CHUK: variants seen among roughly 807,000 people sequenced by gnomAD.
CHUK encodes inhibitor of nuclear factor kappa-B kinase subunit alpha.
In CHUK, 35 loss-of-function variants were observed where a neutral mutation model predicts 104.8. That is an observed-to-expected ratio of 0.33 (90% CI 0.26 to 0.44). The LOEUF (loss-of-function observed/expected upper bound fraction) is 0.44. Among genes scored for constraint, CHUK ranks in the 20% least tolerant of loss-of-function variants. CHUK has a pLI of 1.00. For missense variants in CHUK, 663 were observed against 902.7 expected (o/e 0.73, Z 3.40); for synonymous variants, 276 against 291.9 (o/e 0.95, Z 0.56).
At chr10:100,199,430 G>A (rs1048098696) in intron 16 of CHUK, among the ~76,000 whole-genome samples, 8 of 152,112 alleles carry the variant, frequency 5.3e-5, no homozygotes, top group Admixed American at 3.3e-4. Flanking sequence ...AGGTTCAAGC[G>A]ATTCTCCTGC....
At position 100,189,484 on chromosome 10, in the gene CHUK, A is replaced by C; in HGVS notation, c.*114T>G. ...TAGTAGAAATGTAGTTTCTGTTCAT[A>C]GCCATTTCTTCCATTGACTGATGTC... On this transcript the variant is annotated 3_prime_UTR_variant, in exon 21 of 21. Transcript: ENST00000370397. The C allele has an allele frequency of 1.2e-6, 1 of 819,356 alleles. No homozygotes were observed. Among genetic ancestry groups the C allele is most frequent in the Non-Finnish European group, 2.2e-6 (1 of 458,086 alleles). 50.8% of individuals were successfully genotyped at this position (819,356 alleles called of 1,614,324 possible).
chr10:100,210,724 A>G (rs1269907782), intron 9 of CHUK, among the ~76,000 whole-genome samples: 1 of 152,194 alleles, frequency 6.6e-6, no homozygotes, highest in Non-Finnish European at 1.5e-5. Context: ...TTACCTTTTT[A>G]TAAGACAACC....
At chr10:100,189,755 C>A in intron 20 of CHUK, 128 bp from the exon 21 acceptor site, 2 of 631,364 alleles carry the variant, frequency 3.2e-6, no homozygotes, top group Non-Finnish European at 2.8e-6. Flanking sequence ...TTTCATTTAC[C>A]TTATTTCCTG....
chr10:100,201,556 C>T (rs1845462504), intron 14 of CHUK, among the ~76,000 whole-genome samples: 1 of 152,014 alleles, frequency 6.6e-6, no homozygotes, highest in South Asian at 2.1e-4. Flanking sequence ...AGAAATTGTC[C>T]CTATAATATG....
At chr10:100,207,130 C>A in intron 11 of CHUK, 100 bp downstream of exon 11, 2 of 729,282 alleles carry the variant, frequency 2.7e-6, no homozygotes, top group Non-Finnish European at 5.0e-6. Flanking sequence ...GTATGAGATA[C>A]AGAACACAAC....
chr10:100,225,050 A>T (rs1030971795), intron 2 of CHUK, among the ~76,000 whole-genome samples: 1 of 151,910 alleles, frequency 6.6e-6, no homozygotes, highest in East Asian at 1.9e-4. Context: ...GGGTTTTGCC[A>T]TGTTGCCCAG....
At chr10:100,221,405 A>G (rs575661681) in intron 4 of CHUK, among the ~76,000 whole-genome samples, 1 of 152,122 alleles carries the variant, frequency 6.6e-6, no homozygotes, top group East Asian at 1.9e-4. Context: ...ACTGCACTCC[A>G]GCCTGGGCAA....
At chr10:100,191,015 T>A in intron 19 of CHUK, 47 bp from the exon 20 acceptor site, 1 of 1,132,754 alleles carries the variant, frequency 8.8e-7, no homozygotes, top group Non-Finnish European at 1.4e-6. Flanking sequence ...GAAAAGGGCA[T>A]ATGAATTTCC....
chr10:100,200,050 T>G, intron 15 of CHUK, 30 bp from the exon 16 acceptor site: 1 of 1,529,002 alleles, frequency 6.5e-7, no homozygotes, highest in South Asian at 1.1e-5. Context: ...CTCTGATAAG[T>G]GAAGGTAATT....
intron 2 of CHUK, among the ~76,000 whole-genome samples, chr10:100,224,738 T>C (rs2134251607): frequency 6.6e-6 from 1 of 152,274 alleles, no homozygotes; most frequent in South Asian, 2.1e-4. Flanking sequence ...CGCCCGGCCC[T>C]AGCTGACTTT....
At chr10:100,218,583 C>G (rs903666613) in intron 8 of CHUK, 135 bp downstream of exon 8, 5 of 711,812 alleles carry the variant, frequency 7.0e-6, no homozygotes, top group Non-Finnish European at 1.0e-5. Context: ...ATGTGGCCAA[C>G]AGAAATATAG....
chr10:100,213,932 A>G (rs193090557), intron 9 of CHUK, among the ~76,000 whole-genome samples: 131 of 152,326 alleles, frequency 8.6e-4, no homozygotes, highest in Non-Finnish European at 1.2e-3. Flanking sequence ...TCTTATTAAG[A>G]GACTTTTCTT....
intron 16 of CHUK, among the ~76,000 whole-genome samples, chr10:100,196,905 A>G (rs1845345368): frequency 6.6e-6 from 1 of 152,174 alleles, no homozygotes; most frequent in Non-Finnish European, 1.5e-5. Flanking sequence ...ATCCACACTC[A>G]TTCTCTTTCC....
At chr10:100,208,137 G>C (rs1845633607) in intron 10 of CHUK, among the ~76,000 whole-genome samples, 1 of 151,928 alleles carries the variant, frequency 6.6e-6, no homozygotes, top group Non-Finnish European at 1.5e-5. Context: ...ACAGGGTCTT[G>C]CTCTGTCACC....
intron 4 of CHUK, among the ~76,000 whole-genome samples, chr10:100,221,327 C>T (rs749939825): frequency 6.6e-6 from 1 of 151,906 alleles, no homozygotes; most frequent in Non-Finnish European, 1.5e-5. Flanking sequence ...CCCAGCTACT[C>T]GGGAGGCTGA....
At position 100,210,079 on chromosome 10, in the gene CHUK, A is replaced by AT. The variant is rs1468982651; in HGVS notation, c.934-291dup. 8.7e-3 allele frequency among the ~76,000 whole-genome samples: 1,121 copies of AT among 129,472 alleles called. 13 individuals are homozygous for AT. Among genetic ancestry groups the AT allele is most frequent in the African/African-American group, 0.039 (1,075 of 27,222 alleles). 84.9% of individuals were successfully genotyped at this position (129,472 alleles called of 152,430 possible). On this transcript the variant is annotated intron_variant, in intron 9 of 20. Coordinates refer to ENST00000370397, the MANE Select transcript of CHUK (RefSeq NM_001278.5). ...GAAAGAACAAGTTATTTATTTATTT[A>AT]TTTATTTATTTATTTTTTTTTTTTT... is the stretch of plus-strand genomic sequence containing the variant.
rs1264683470 is a variant in CHUK, at chr10:100,193,947, C to A, written c.1974+37G>T. ...CCCTTTGCAAGGAATAATAGCAACT[C>A]AATGTCACATTAAATAATTCATTAA... is the stretch of plus-strand genomic sequence containing the variant. On this transcript the variant is annotated intron_variant, in intron 18 of 20. Coordinates refer to ENST00000370397, the MANE Select transcript of CHUK (RefSeq NM_001278.5). 1.9e-6 allele frequency: 3 copies of A among 1,582,470 alleles called. No homozygotes were observed. The East Asian group carries it at 6.7e-5, about 35-fold the overall frequency.
intron 16 of CHUK, among the ~76,000 whole-genome samples, chr10:100,196,409 A>T (rs1423679143): frequency 6.8e-6 from 1 of 146,584 alleles, no homozygotes; most frequent in Non-Finnish European, 1.5e-5. Flanking sequence ...TTTTTTTAAG[A>T]AAGTCTTGCT....
chr10:100,218,142 A>G lies in CHUK; in HGVS notation c.798-12T>C, dbSNP rs1351797790. The G allele has an allele frequency of 6.2e-7, 1 of 1,604,030 alleles. No homozygotes were observed. Among genetic ancestry groups the G allele is most frequent in the Non-Finnish European group, 8.5e-7 (1 of 1,170,896 alleles). ...GTTCTACTACTAAACTAGAAAACAT[A>G]CAAAATAGGGTGAAAATCAAATCAT... On this transcript the variant is annotated splice_polypyrimidine_tract_variant and intron_variant, in intron 8 of 20. Transcript: ENST00000370397.
Sources: allele counts gnomAD v4.1 joint callset (sites outside exome capture counted in the v4.1 genomes callset), GRCh38; gene constraint gnomAD v4.1.1; transcripts MANE v1.5; gene names NCBI Gene and HGNC (gene_info 2026-07-23, HGNC 2026-07-21).